The following SOAT1 variants were observed in gnomAD, a reference collection of about 807,000 sequenced individuals.
The protein encoded by SOAT1 is acyl-coenzyme A:cholesterol acyltransferase 1.
Under a neutral mutation model 69.5 loss-of-function variants are expected in SOAT1, and 55 were observed. The observed-to-expected ratio is 0.79, with a 90% confidence interval of 0.64 to 0.99. The LOEUF (loss-of-function observed/expected upper bound fraction) is 0.99, where lower values mean the gene tolerates loss of function less well. Ranked by LOEUF, SOAT1 falls within the 50% of genes least tolerant of loss-of-function variation. The pLI is 0.00. For synonymous variants in SOAT1, 231 were observed against 224.7 expected (o/e 1.03, Z -0.25); for missense variants, 580 against 669.3 (o/e 0.87, Z 1.47).
At chr1:179,352,875 C>G (rs2125007474) in intron 15 of SOAT1, among the ~76,000 whole-genome samples, 1 of 151,838 alleles carries the variant, frequency 6.6e-6, no homozygotes. Flanking sequence ...TTGACTGTCC[C>G]TGGTCACCTG....
At chr1:179,340,312 T>A (rs1307904215) in intron 6 of SOAT1, among the ~76,000 whole-genome samples, 3 of 152,036 alleles carry the variant, frequency 2.0e-5, no homozygotes, top group Non-Finnish European at 4.4e-5. Context: ...CTGGGCAACA[T>A]CTCTACAAAA....
chr1:179,333,997 A>G (rs1215558088), intron 3 of SOAT1, among the ~76,000 whole-genome samples: 1 of 152,260 alleles, frequency 6.6e-6, no homozygotes, highest in East Asian at 1.9e-4. Context: ...CCTGTGCTAT[A>G]CCAAGGCTGC....
intron 2 of SOAT1, among the ~76,000 whole-genome samples, chr1:179,316,593 A>G (rs1454285462): frequency 1.3e-5 from 2 of 151,978 alleles, no homozygotes; most frequent in African/African-American, 4.8e-5. Flanking sequence ...GGGCTTCTCC[A>G]TGTTGGTCAG....
chr1:179,345,593 C>G (rs1172029727), intron 11 of SOAT1, among the ~76,000 whole-genome samples: 1 of 148,762 alleles, frequency 6.7e-6, no homozygotes, highest in Admixed American at 7.4e-5. Context: ...AATCGGGTCT[C>G]TCTTTGTCAC....
At chr1:179,334,652 A>G (rs917685782) in intron 3 of SOAT1, among the ~76,000 whole-genome samples, 1 of 152,192 alleles carries the variant, frequency 6.6e-6, no homozygotes. Context: ...TAGTTACCTT[A>G]TAAGTGACAT....
intron 2 of SOAT1, among the ~76,000 whole-genome samples, chr1:179,304,176 T>C (rs979355494): frequency 5.9e-5 from 9 of 152,234 alleles, no homozygotes; most frequent in Non-Finnish European, 8.8e-5. Flanking sequence ...TTGTAACATT[T>C]ATTCACCTTG....
At position 179,345,067 on chromosome 1, in the gene SOAT1, A is replaced by G. The variant is rs1433173838; in HGVS notation, c.1108A>G (p.Ile370Val). 15 of 1,613,914 alleles carry G rather than the reference A, an allele frequency of 9.3e-6. No homozygotes were observed. The highest frequency in any genetic ancestry group is 1.3e-5 in the Non-Finnish European group (15 of 1,179,914). ...TCTGGTCCTATGTGTATTTAACTCC[A>G]TCTTGCCAGGTAACATGGGTACTTG... is the stretch of plus-strand genomic sequence containing the variant. ...RVLVLCVFNS[I>V]LPGVLILFLT... The change falls in exon 11 of 16, where the codon ATC (isoleucine) becomes GTC (valine). Residue 370 changes from isoleucine (I) to valine (V), a missense_variant. Physicochemically the swap from Ile to Val is conservative, Grantham distance 29. Coordinates refer to ENST00000367619, the MANE Select transcript of SOAT1 (RefSeq NM_003101.6).
At chr1:179,326,550 C>CTTTTTTTTTTTTTTTTTTTTTTTTT (rs10568516) in intron 3 of SOAT1, among the ~76,000 whole-genome samples, 1 of 106,260 alleles carries the variant, frequency 9.4e-6, no homozygotes, top group African/African-American at 4.1e-5. Flanking sequence ...AATTTCTTTT[C>CTTTTTTTTTTTTTTTTTTTTTTTTT]TTTTTTTTTT....
chr1:179,314,641 G>A (rs1053396933), intron 2 of SOAT1, among the ~76,000 whole-genome samples: 2 of 152,046 alleles, frequency 1.3e-5, no homozygotes, highest in African/African-American at 4.8e-5. Context: ...GCTCAGGCTG[G>A]TCTCAAACTC....
intron 2 of SOAT1, among the ~76,000 whole-genome samples, chr1:179,319,458 C>T (rs1317693830): frequency 4.6e-5 from 7 of 151,484 alleles, no homozygotes; most frequent in African/African-American, 9.7e-5. Flanking sequence ...TTAGTAGAGA[C>T]GGGGTTTCTC....
chr1:179,308,306 G>C (rs1418731432), intron 2 of SOAT1, among the ~76,000 whole-genome samples: 2 of 152,046 alleles, frequency 1.3e-5, no homozygotes, highest in Non-Finnish European at 2.9e-5. Flanking sequence ...TGCATATACA[G>C]GCAGCCTACA....
intron 1 of SOAT1, among the ~76,000 whole-genome samples, chr1:179,296,932 G>A (rs979809359): frequency 3.3e-5 from 5 of 152,030 alleles, no homozygotes; most frequent in Non-Finnish European, 5.9e-5. Flanking sequence ...TTATGTAATT[G>A]CGTGCACAGA....
chr1:179,326,754 C>T (rs1215345248), intron 3 of SOAT1, among the ~76,000 whole-genome samples: 4 of 151,908 alleles, frequency 2.6e-5, no homozygotes, highest in Non-Finnish European at 5.9e-5. Flanking sequence ...GGTGGGGTTT[C>T]ACCATGTTGG....
intron 1 of SOAT1, among the ~76,000 whole-genome samples, chr1:179,298,383 C>T (rs543966059): frequency 7.9e-5 from 12 of 152,262 alleles, no homozygotes; most frequent in East Asian, 7.7e-4. Context: ...CCACCATGCC[C>T]GGCCCTGTTT....
Position 179,322,390 on chromosome 1 carries a change from T to C in SOAT1, c.119-1047T>C, listed in dbSNP as rs376617282. Among the ~76,000 whole-genome samples the C allele has an allele frequency of 7.9e-5, 12 of 152,086 alleles. No homozygotes were observed. In the East Asian group the frequency reaches 2.3e-3, roughly 29 times the overall value. The stretch of plus-strand genomic sequence containing the variant: ...GACTATTCTCCTTTTTTTTCTTTTT[T>C]TCTTTTTTTTGAGACAGAGTCTCAC... On this transcript the variant is annotated intron_variant, in intron 2 of 15. Coordinates refer to ENST00000367619, the MANE Select transcript of SOAT1 (RefSeq NM_003101.6).
In SOAT1 at chr1:179,357,771, G is replaced by C. The variant is rs761289328; in HGVS notation, c.*4130G>C. The C allele has an allele frequency of 1.3e-5, 2 of 152,252 alleles. No individual in the cohort carries two copies. Among genetic ancestry groups the C allele is most frequent in the South Asian group, 4.1e-4 (2 of 4,832 alleles). The allele number at this position is 152,252 out of a possible 1,614,324, so 9.4% of individuals were successfully genotyped here. A position where few individuals can be genotyped will look rare whatever the true frequency, so the allele number is the denominator to read the frequency against. The stretch of plus-strand genomic sequence containing the variant: ...TAGCCAGGCGTGGTGGTGCACGCCT[G>C]TAGTCTCAGCTACTCAGTCGGCTGA... On this transcript the variant is annotated 3_prime_UTR_variant, in exon 16 of 16. Coordinates refer to ENST00000367619, the MANE Select transcript of SOAT1 (RefSeq NM_003101.6).
At chr1:179,333,579 G>A (rs569352892) in intron 3 of SOAT1, among the ~76,000 whole-genome samples, 11 of 151,484 alleles carry the variant, frequency 7.3e-5, no homozygotes, top group Admixed American at 3.3e-4. Context: ...GGTGGCTCAC[G>A]TCTGTAATCC....
intron 14 of SOAT1, among the ~76,000 whole-genome samples, chr1:179,351,021 C>CTTTTTTTTTTTTTTTTTTTTTTTT (rs201449849): frequency 7.8e-6 from 1 of 127,552 alleles, no homozygotes; most frequent in African/African-American, 2.9e-5. Flanking sequence ...ATATTTCTTT[C>CTTTTTTTTTTTTTTTTTTTTTTTT]TTTTTTTTTT....
At chr1:179,323,080 G>A in intron 2 of SOAT1, among the ~76,000 whole-genome samples, 1 of 117,588 alleles carries the variant, frequency 8.5e-6, no homozygotes, top group South Asian at 2.7e-4. Flanking sequence ...ATTTGTACTA[G>A]CTTGGCAATA....
Sources: allele counts gnomAD v4.1 joint callset (sites outside exome capture counted in the v4.1 genomes callset), GRCh38; gene constraint gnomAD v4.1.1; transcripts MANE v1.5; gene names NCBI Gene and HGNC (gene_info 2026-07-23, HGNC 2026-07-21).